The following NAV2 variants were observed in gnomAD, a reference collection of about 807,000 sequenced individuals.
The protein encoded by NAV2 is neuron navigator 2.
A neutral mutation model predicts 223.2 loss-of-function variants in NAV2; 54 were observed. The ratio of observed to expected loss-of-function variants is 0.24; its 90% CI spans 0.19 to 0.30. The LOEUF is 0.30. Ranked by LOEUF, NAV2 falls within the 10% of genes least tolerant of loss-of-function variation. NAV2 has a pLI of 1.00. For missense variants in NAV2, 2,806 were observed against 3,147.5 expected (o/e 0.89, Z 2.60); for synonymous variants, 1,279 against 1,239.3 (o/e 1.03, Z -0.67).
chr11:19,755,085 C>G (rs1205632334), intron 1 of NAV2, among the ~76,000 whole-genome samples: 2 of 152,200 alleles, frequency 1.3e-5, no homozygotes, highest in Non-Finnish European at 2.9e-5. Flanking sequence ...TTGGGATCCA[C>G]TCTTCTGCAA....
chr11:19,942,168 T>C (rs762415062), intron 8 of NAV2, among the ~76,000 whole-genome samples: 1 of 152,340 alleles, frequency 6.6e-6, no homozygotes, highest in South Asian at 2.1e-4. Context: ...GATTGTGTTT[T>C]TATTGTGTTC....
chr11:19,564,097 C>T (rs2045186362), intron 1 of NAV2, among the ~76,000 whole-genome samples: 1 of 152,202 alleles, frequency 6.6e-6, no homozygotes, highest in African/African-American at 2.4e-5. Context: ...CCTGAACCCC[C>T]GACCCCTACC....
At chr11:19,602,478 T>C (rs1003062713) in intron 1 of NAV2, among the ~76,000 whole-genome samples, 1 of 152,056 alleles carries the variant, frequency 6.6e-6, no homozygotes, top group African/African-American at 2.4e-5. Context: ...ACCCAGCCAC[T>C]TCTCTGCAAG....
chr11:19,579,210 C>T (rs978725113), intron 1 of NAV2, among the ~76,000 whole-genome samples: 1 of 152,192 alleles, frequency 6.6e-6, no homozygotes, highest in Non-Finnish European at 1.5e-5. Flanking sequence ...TTTAACCTCT[C>T]TAAGCCTCAG....
At chr11:19,936,164 C>T (rs1490041272) in intron 7 of NAV2, among the ~76,000 whole-genome samples, 1 of 151,908 alleles carries the variant, frequency 6.6e-6, no homozygotes, top group Non-Finnish European at 1.5e-5. Context: ...CCACCGCGCC[C>T]AGCCATGAAC....
At position 20,105,671 on chromosome 11, in the gene NAV2, T is replaced by C; in HGVS notation, c.6785T>C (p.Val2262Ala). ...LVKIIDWIPK[V>A]WHHLNRFLEA... ...AAAATCATTGACTGGATTCCCAAGG[T>C]CTGGCATCACCTCAACCGCTTCCTG... The change falls in exon 35 of 38, where the codon GTC becomes GCC. Residue 2262 changes from valine to alanine, a missense_variant. Val to Ala is a moderately conservative substitution (Grantham distance 64). Around this residue, in one of 4 missense-constraint regions of NAV2, gnomAD observed 824 missense variants for 1,069.4 expected, o/e 0.77. Coordinates refer to ENST00000349880, the MANE Select transcript of NAV2 (RefSeq NM_145117.5). The C allele has an allele frequency of 6.2e-7, 1 of 1,613,740 alleles. No homozygotes were observed. Among genetic ancestry groups the C allele is most frequent in the African/African-American group, 1.3e-5 (1 of 75,010 alleles).
At chr11:19,977,797 TC>T (rs368796930) in intron 10 of NAV2, among the ~76,000 whole-genome samples, 14 of 145,184 alleles carry the variant, frequency 9.6e-5, no homozygotes, top group Admixed American at 7.5e-4. Context: ...TCAACTTTTT[TC>T]TTTTTTTTTT....
chr11:20,034,104 C>T (rs2056083936), intron 11 of NAV2, among the ~76,000 whole-genome samples: 1 of 152,184 alleles, frequency 6.6e-6, no homozygotes, highest in Non-Finnish European at 1.5e-5. Context: ...TGTCTGCAGT[C>T]ACAGTAAAGA....
chr11:19,986,980 G>A (rs1252976411), intron 11 of NAV2, among the ~76,000 whole-genome samples: 1 of 152,158 alleles, frequency 6.6e-6, no homozygotes, highest in Non-Finnish European at 1.5e-5. Context: ...GGTGGTATAG[G>A]AGATAGTTTT....
chr11:19,639,930 G>A (rs2047615651), intron 1 of NAV2, among the ~76,000 whole-genome samples: 1 of 152,194 alleles, frequency 6.6e-6, no homozygotes, highest in South Asian at 2.1e-4. Context: ...CCAAGGGGAT[G>A]GCTCATTCAA....
rs1250818683 is a variant in NAV2 at position 19,654,551 on chromosome 11, C to T, written c.76-177933C>T. Among the ~76,000 whole-genome samples, 8 of 152,198 alleles carry T rather than the reference C, an allele frequency of 5.3e-5. No homozygotes were observed. The East Asian group carries it at 5.8e-4, about 11-fold the overall frequency. The stretch of plus-strand genomic sequence containing the variant: ...ACTGGTACCAAAACAGAGTTATAGA[C>T]CAATGGAACAGAACAGAGCCCTCAA... On this transcript the variant is annotated intron_variant, in intron 1 of 37. Coordinates refer to the NAV2 transcript ENST00000360655.
chr11:20,020,050 C>T (rs1391453551), intron 11 of NAV2, among the ~76,000 whole-genome samples: 2 of 151,402 alleles, frequency 1.3e-5, no homozygotes, highest in African/African-American at 4.9e-5. Flanking sequence ...TATTTTTCAG[C>T]CTGCAGGGAA....
At chr11:19,825,453 A>G (rs1426376182) in intron 1 of NAV2, among the ~76,000 whole-genome samples, 3 of 152,126 alleles carry the variant, frequency 2.0e-5, no homozygotes, top group Non-Finnish European at 2.9e-5. Context: ...TTTAAACATT[A>G]GTCTCCACAC....
At chr11:20,115,159 G>A (rs1292616035) in intron 37 of NAV2, among the ~76,000 whole-genome samples, 1 of 19,842 alleles carries the variant, frequency 5.0e-5, no homozygotes, top group African/African-American at 6.9e-5. Flanking sequence ...CAGAGGAAGA[G>A]ATTGCTAAGG....
Position 20,044,961 on chromosome 11 carries a change from C to T in NAV2, c.3200-7C>T. On this transcript the variant is annotated splice_region_variant and splice_polypyrimidine_tract_variant and intron_variant, in intron 13 of 37. Coordinates refer to ENST00000349880, the MANE Select transcript of NAV2 (RefSeq NM_145117.5). ...TTGCAGGCTAATCTTGCTGATCTCT[C>T]TCTTAGGAAAAACAGACGACGCAAA... The T allele has an allele frequency of 1.3e-6, 2 of 1,599,104 alleles. No individual in the cohort carries two copies. Among genetic ancestry groups the T allele is most frequent in the Non-Finnish European group, 1.7e-6 (2 of 1,173,610 alleles).
chr11:19,996,888 A>G (rs1278101362), intron 11 of NAV2, among the ~76,000 whole-genome samples: 1 of 152,180 alleles, frequency 6.6e-6, no homozygotes, highest in African/African-American at 2.4e-5. Context: ...GGAGGAGATT[A>G]AATGGGGACA....
intron 1 of NAV2, among the ~76,000 whole-genome samples, chr11:19,775,161 T>A (rs1244196723): frequency 1.3e-5 from 2 of 152,146 alleles, no homozygotes; most frequent in South Asian, 2.1e-4. Flanking sequence ...TTTGGAAAAA[T>A]TATTTTAGGA....
At chr11:19,897,631 A>T (rs572904492) in intron 6 of NAV2, among the ~76,000 whole-genome samples, 1 of 152,242 alleles carries the variant, frequency 6.6e-6, no homozygotes, top group East Asian at 1.9e-4. Context: ...CACTTGTTCC[A>T]TAAGGTGGTG....
intron 1 of NAV2, among the ~76,000 whole-genome samples, chr11:19,404,374 C>T (rs1409806214): frequency 1.3e-5 from 2 of 152,212 alleles, no homozygotes; most frequent in African/African-American, 4.8e-5. Flanking sequence ...CGTCAGGCTT[C>T]TTGCCTACTG....
Sources: gnomAD v4.1 joint callset for allele counts (sites outside exome capture counted in the v4.1 genomes callset) on GRCh38, gnomAD v4.1.1 for gene constraint, gnomAD v4.1.1 regional missense constraint, MANE v1.5 for transcripts, NCBI Gene and HGNC (gene_info 2026-07-23, HGNC 2026-07-21) for gene names.